The following ITSN1 variants were observed in gnomAD, a reference collection of about 807,000 sequenced individuals.
ITSN1 encodes intersectin 1.
Under a neutral mutation model 239.8 loss-of-function variants are expected in ITSN1, and 58 were observed. The ratio of observed to expected loss-of-function variants is 0.24; its 90% CI spans 0.20 to 0.30. ITSN1 has a LOEUF of 0.30. Ranked by LOEUF, ITSN1 falls within the 10% of genes least tolerant of loss-of-function variation. The pLI is 1.00. For missense variants in ITSN1, 1,558 were observed against 2,103.3 expected (o/e 0.74, Z 5.07); for synonymous variants, 780 against 770.8 (o/e 1.01, Z -0.20).
chr21:33,821,164 A>AG (rs2073651114), intron 24 of ITSN1, among the ~76,000 whole-genome samples: 1 of 152,230 alleles, frequency 6.6e-6, no homozygotes. Context: ...AGCAGTATGG[A>AG]GGAGTGTTTG....
chr21:33,753,245 G>A (rs140290527), intron 7 of ITSN1, among the ~76,000 whole-genome samples: 25 of 152,172 alleles, frequency 1.6e-4, no homozygotes, highest in East Asian at 5.8e-4. Flanking sequence ...ATTTAATTGC[G>A]GTTTTACCCT....
At chr21:33,679,376 T>C (rs2090792547) in intron 1 of ITSN1, among the ~76,000 whole-genome samples, 2 of 152,348 alleles carry the variant, frequency 1.3e-5, no homozygotes, top group South Asian at 4.1e-4. Flanking sequence ...TCCCCAGATA[T>C]TCGTTGACTT....
At chr21:33,687,353 G>A (rs1406965486) in intron 1 of ITSN1, among the ~76,000 whole-genome samples, 8 of 137,616 alleles carry the variant, frequency 5.8e-5, no homozygotes, top group Non-Finnish European at 1.2e-4. Context: ...AGCCAAGATC[G>A]TGCCATTGCA....
At position 33,812,521 on chromosome 21, in the gene ITSN1, C is replaced by T. The variant is rs150600577; in HGVS notation, c.2567+1299C>T. On this transcript the variant is annotated intron_variant, in intron 21 of 39. Coordinates refer to ENST00000381318, the MANE Select transcript of ITSN1 (RefSeq NM_003024.3). ...TTTATTATTTATTATTATTTTGAGA[C>T]AGGGTCTCACTTCATCACCCAGGCT... 1.8e-3 allele frequency among the ~76,000 whole-genome samples: 269 copies of T among 152,256 alleles called. 1 individual carries two copies. The highest frequency in any genetic ancestry group is 5.5e-3 in the African/African-American group (230 of 41,560).
At chr21:33,732,643 A>AT in intron 4 of ITSN1, among the ~76,000 whole-genome samples, 1 of 152,138 alleles carries the variant, frequency 6.6e-6, no homozygotes, top group Non-Finnish European at 1.5e-5. Flanking sequence ...GATAATGCTC[A>AT]TTTTTTTCTA....
rs527344312 is a variant in ITSN1 at position 33,772,923 on chromosome 21, C to T, written c.1305+600C>T. 8.4e-4 allele frequency among the ~76,000 whole-genome samples: 127 copies of T among 151,384 alleles called. 3 individuals are homozygous for T. Among genetic ancestry groups the T allele is most frequent in the Non-Finnish European group, 1.6e-3 (106 of 67,916 alleles). On this transcript the variant is annotated intron_variant, in intron 12 of 39. Transcript: ENST00000381318. ...TATAAAAATATAAAGGTTTATATGGCGGAGAGTGTAAGGGCTGTATAATTT... is the reference window on the plus strand; with the variant it reads ...TATAAAAATATAAAGGTTTATATGGTGGAGAGTGTAAGGGCTGTATAATTT...
At chr21:33,772,347 C>T (rs891373560) in intron 12 of ITSN1, 24 bp downstream of exon 12, 2 of 1,549,418 alleles carry the variant, frequency 1.3e-6, no homozygotes, top group Non-Finnish European at 1.7e-6. Flanking sequence ...AGTGGAGCCA[C>T]CCGGAGTTAG....
At chr21:33,659,155 A>G (rs1311124602) in intron 1 of ITSN1, among the ~76,000 whole-genome samples, 1 of 152,202 alleles carries the variant, frequency 6.6e-6, no homozygotes, top group African/African-American at 2.4e-5. Context: ...TGAAATTGCA[A>G]ACGAAAGCCC....
At chr21:33,657,200 T>C (rs1435067759) in intron 1 of ITSN1, among the ~76,000 whole-genome samples, 1 of 152,202 alleles carries the variant, frequency 6.6e-6, no homozygotes, top group Non-Finnish European at 1.5e-5. Context: ...CCCCAGTGTT[T>C]ATTGTTCTTA....
intron 1 of ITSN1, among the ~76,000 whole-genome samples, chr21:33,655,867 TA>T (rs536306225): frequency 2.0e-5 from 3 of 151,596 alleles, no homozygotes; most frequent in Non-Finnish European, 2.9e-5. Flanking sequence ...ATCCTTAACT[TA>T]AAAAAAACTC....
chr21:33,657,680 C>T (rs1212269947), intron 1 of ITSN1, among the ~76,000 whole-genome samples: 2 of 152,074 alleles, frequency 1.3e-5, no homozygotes, highest in Non-Finnish European at 2.9e-5. Flanking sequence ...GTGTTGGTCC[C>T]CAACACAGGC....
At chr21:33,747,916 A>G (rs2067280285) in intron 5 of ITSN1, among the ~76,000 whole-genome samples, 1 of 152,192 alleles carries the variant, frequency 6.6e-6, no homozygotes, top group Admixed American at 6.5e-5. Context: ...AATGGTAAAT[A>G]TGTAGGTTAA....
chr21:33,766,104 T>A (rs2068704648), intron 10 of ITSN1, 92 bp downstream of exon 10: 1 of 1,358,348 alleles, frequency 7.4e-7, no homozygotes, highest in Admixed American at 1.9e-5. Context: ...CTGATTTTCA[T>A]CCCTGACAAG....
chr21:33,813,839 G>A (rs1279327268), intron 21 of ITSN1, 74 bp from the exon 22 acceptor site: 5 of 1,193,076 alleles, frequency 4.2e-6, no homozygotes, highest in Non-Finnish European at 5.6e-6. Context: ...TTTTTTTTTG[G>A]TACTTTACTG....
At chr21:33,804,942 A>G (rs564897304) in intron 20 of ITSN1, among the ~76,000 whole-genome samples, 1 of 152,358 alleles carries the variant, frequency 6.6e-6, no homozygotes, top group Admixed American at 6.5e-5. Context: ...CCTGGGCCAC[A>G]TGCAGCCAGT....
intron 2 of ITSN1, 124 bp downstream of exon 2, chr21:33,718,980 C>A: frequency 1.4e-6 from 1 of 738,604 alleles, no homozygotes. Flanking sequence ...TGTATTCCAT[C>A]ATATAGTTTC....
chr21:33,671,898 A>G (rs1293480101), intron 1 of ITSN1, among the ~76,000 whole-genome samples: 1 of 152,068 alleles, frequency 6.6e-6, no homozygotes, highest in Non-Finnish European at 1.5e-5. Flanking sequence ...TTTTTTGTAC[A>G]TTTGTAGTTT....
chr21:33,754,143 T>G (rs895914036), intron 7 of ITSN1: 3 of 151,310 alleles, frequency 2.0e-5, no homozygotes, highest in Non-Finnish European at 2.9e-5. Flanking sequence ...GACAAATAGG[T>G]GGGAGTTGGA....
intron 20 of ITSN1, among the ~76,000 whole-genome samples, chr21:33,805,122 GT>G (rs2072313762): frequency 6.6e-6 from 1 of 152,214 alleles, no homozygotes; most frequent in Non-Finnish European, 1.5e-5. Context: ...TGACCAGGTG[GT>G]TCTGTTAGGT....
Sources: gnomAD v4.1 joint callset for allele counts (sites outside exome capture counted in the v4.1 genomes callset) on GRCh38, gnomAD v4.1.1 for gene constraint, MANE v1.5 for transcripts, NCBI Gene and HGNC (gene_info 2026-07-23, HGNC 2026-07-21) for gene names.